KANSL3: variants seen among roughly 807,000 people sequenced by gnomAD.
KANSL3 encodes NSL complex protein NSL3.
KANSL3 carries 16 observed loss-of-function variants against 89.2 expected under a neutral mutation model. That is an observed-to-expected ratio of 0.18 (90% CI 0.12 to 0.27). The LOEUF (loss-of-function observed/expected upper bound fraction) is 0.27, where lower values mean the gene tolerates loss of function less well. Ranked by LOEUF, KANSL3 falls within the 10% of genes least tolerant of loss-of-function variation. The pLI, the probability that KANSL3 is intolerant of heterozygous loss-of-function variation, is 1.00. For missense variants in KANSL3, 879 were observed against 1,110.6 expected, an observed-to-expected ratio of 0.79 and a Z score of 2.96; for synonymous variants, 385 against 419.7, an observed-to-expected ratio of 0.92 and a Z score of 1.01.
At chr2:96,621,639 CA>C (rs2071300304) in intron 3 of KANSL3, among the ~76,000 whole-genome samples, 1 of 150,518 alleles carries the variant, frequency 6.6e-6, no homozygotes, top group African/African-American at 2.4e-5. Context: ...ACATGTCTCT[CA>C]AAAAATAAAA....
At chr2:96,583,453 A>C in the KANSL3 span, among the ~76,000 whole-genome samples, 1 of 152,298 alleles carries the variant, frequency 6.6e-6, no homozygotes, top group East Asian at 1.9e-4. Flanking sequence ...CTCAATCATG[A>C]TCTGACTTCT....
chr2:96,625,513 A>G (rs1231228845), intron 3 of KANSL3, among the ~76,000 whole-genome samples: 1 of 152,238 alleles, frequency 6.6e-6, no homozygotes, highest in Non-Finnish European at 1.5e-5. Flanking sequence ...TTTTTATTAC[A>G]TAATGATGCT....
chr2:96,588,169 GA>G (rs915858648), downstream of KANSL3, among the ~76,000 whole-genome samples: 116 of 137,592 alleles, frequency 8.4e-4, no homozygotes, highest in Non-Finnish European at 1.4e-3. Context: ...ATCCTAAACA[GA>G]AAAAAAAAAC....
intron 5 of KANSL3, among the ~76,000 whole-genome samples, chr2:96,616,671 A>G (rs990081548): frequency 6.6e-6 from 1 of 152,252 alleles, no homozygotes; most frequent in Non-Finnish European, 1.5e-5. Context: ...CCGATGGCAG[A>G]GGAACCACTG....
downstream of KANSL3, among the ~76,000 whole-genome samples, chr2:96,588,596 T>C (rs997729374): frequency 6.6e-6 from 1 of 151,946 alleles, no homozygotes; most frequent in African/African-American, 2.4e-5. Context: ...CCTTTTCTTT[T>C]CTTTTTTTTT....
intron 3 of KANSL3, among the ~76,000 whole-genome samples, chr2:96,622,948 T>C (rs1349013497): frequency 6.6e-6 from 1 of 152,232 alleles, no homozygotes; most frequent in Non-Finnish European, 1.5e-5. Context: ...TATTTAACAC[T>C]GTAACCCTCC....
At chr2:96,612,378 G>C (rs1296594160) in intron 8 of KANSL3, 25 bp from the exon 9 acceptor site, 1 of 1,609,750 alleles carries the variant, frequency 6.2e-7, no homozygotes, top group African/African-American at 1.3e-5. Context: ...AAAGAAGACA[G>C]TAAGACAGGA....
At chr2:96,584,527 G>T in the KANSL3 span, among the ~76,000 whole-genome samples, 1 of 152,078 alleles carries the variant, frequency 6.6e-6, no homozygotes, top group Admixed American at 6.5e-5. Flanking sequence ...ATTATAGTCA[G>T]CCTATAGTGT....
chr2:96,636,109 A>G (rs777717853), intron 2 of KANSL3, among the ~76,000 whole-genome samples: 7 of 152,244 alleles, frequency 4.6e-5, no homozygotes, highest in Non-Finnish European at 1.0e-4. Context: ...CTAACCCCCA[A>G]CAAAATTAAA....
intron 3 of KANSL3, among the ~76,000 whole-genome samples, chr2:96,625,818 A>T (rs1366794670): frequency 6.6e-6 from 1 of 152,198 alleles, no homozygotes; most frequent in Non-Finnish European, 1.5e-5. Flanking sequence ...GCAGAAAAAA[A>T]ATGATCTAAA....
chr2:96,635,180 A>G lies in KANSL3; in HGVS notation c.215+1741T>C, dbSNP rs141994317. 2.3e-3 allele frequency among the ~76,000 whole-genome samples: 346 copies of G among 152,322 alleles called. 2 individuals carry two copies. The highest frequency in any genetic ancestry group is 8.1e-3 in the African/African-American group (337 of 41,578). Reference sequence around the variant, plus strand: ...ACAAAAAATCCAAAATGATCTTTTTAAAGTATAAATTGAATCTCTAGTTTA... The same window carrying G: ...ACAAAAAATCCAAAATGATCTTTTTGAAGTATAAATTGAATCTCTAGTTTA... On this transcript the variant is annotated intron_variant, in intron 2 of 20. Coordinates refer to ENST00000431828, the MANE Select transcript of KANSL3 (RefSeq NM_001115016.3).
chr2:96,604,904 T>G lies in KANSL3; in HGVS notation c.1934-41A>C, dbSNP rs1445332226. On this transcript the variant is annotated intron_variant, in intron 15 of 20. Coordinates refer to ENST00000431828, the MANE Select transcript of KANSL3 (RefSeq NM_001115016.3). ...CCCCAAGGCCCCTGGTCAGTCCTAT[T>G]TGGCCTCTATGTTTCCAGGTTCCAC... 3 of 1,512,636 alleles carry G rather than the reference T, an allele frequency of 2.0e-6. No homozygotes were observed. In the South Asian group the frequency reaches 3.7e-5, roughly 18 times the overall value. The allele number at this position is 1,512,636 out of a possible 1,614,324, so 93.7% of individuals were successfully genotyped here. A position where few individuals can be genotyped will look rare whatever the true frequency, so the allele number is the denominator to read the frequency against.
intron 20 of KANSL3, among the ~76,000 whole-genome samples, chr2:96,597,004 G>C (rs2066602732): frequency 6.6e-6 from 1 of 152,220 alleles, no homozygotes. Context: ...GAAACACATA[G>C]TAAACACCAA....
Position 96,612,930 on chromosome 2 carries a change from T to C in KANSL3, c.800A>G (p.Lys267Arg). Reference protein sequence around the residue: ...VGVLSHNKPSKLPGSPLILIA... With the variant: ...VGVLSHNKPSRLPGSPLILIA... ...GAGAATCAGCGGAGAGCCAGGGAGT[T>C]TGCTCTAAAGAGGAAGAATCCCACC... Residue 267 changes from lysine (K) to arginine (R), a missense_variant, in exon 7 of 21, where the codon AAA becomes AGA. Around this residue, in one of 6 missense-constraint regions of KANSL3, gnomAD observed 198 missense variants for 260.3 expected, o/e 0.76. Coordinates refer to ENST00000431828, the MANE Select transcript of KANSL3 (RefSeq NM_001115016.3). The C allele has an allele frequency of 6.4e-7, 1 of 1,556,568 alleles. No individual in the cohort carries two copies. Among genetic ancestry groups the C allele is most frequent in the Non-Finnish European group, 8.7e-7 (1 of 1,149,602 alleles).
intron 20 of KANSL3, among the ~76,000 whole-genome samples, chr2:96,596,777 G>A (rs185039038): frequency 1.3e-4 from 20 of 152,364 alleles, no homozygotes; most frequent in Middle Eastern, 3.4e-3. Context: ...GCTACAGTGA[G>A]GCCCACTGCC....
rs2069157444 is a variant in KANSL3 at position 96,612,357 on chromosome 2, C to T, written c.1015-4G>A. 1 of 1,613,440 alleles carries T rather than the reference C, an allele frequency of 6.2e-7. No individual in the cohort carries two copies. Among genetic ancestry groups the T allele is most frequent in the Non-Finnish European group, 8.5e-7 (1 of 1,179,444 alleles). ...TGTGTGGGAAATGGCTGTGAATCTT[C>T]ATGGGAAGAGAAAGAAGACAGTAAG... On this transcript the variant is annotated splice_polypyrimidine_tract_variant and splice_region_variant and intron_variant, in intron 8 of 20. Coordinates refer to ENST00000431828, the MANE Select transcript of KANSL3 (RefSeq NM_001115016.3).
At chr2:96,581,948 T>C in the KANSL3 span, among the ~76,000 whole-genome samples, 1 of 152,248 alleles carries the variant, frequency 6.6e-6, no homozygotes, top group Non-Finnish European at 1.5e-5. Context: ...ATTATTCATT[T>C]AAATATTTTC....
At chr2:96,580,594 A>C in the KANSL3 span, among the ~76,000 whole-genome samples, 1 of 152,178 alleles carries the variant, frequency 6.6e-6, no homozygotes, top group Non-Finnish European at 1.5e-5. Context: ...ATAGTGTGGT[A>C]ATGTTCTATT....
At chr2:96,607,112 A>C in intron 14 of KANSL3, 1 of 1,064,080 alleles carries the variant, frequency 9.4e-7, no homozygotes, top group South Asian at 1.3e-5. Context: ...AAGAGAGGGA[A>C]TAAGAAAAAA....
Sources: allele counts gnomAD v4.1 joint callset (sites outside exome capture counted in the v4.1 genomes callset), GRCh38; gene constraint gnomAD v4.1.1; regional missense constraint gnomAD v4.1.1; transcripts MANE v1.5; gene names NCBI Gene and HGNC (gene_info 2026-07-23, HGNC 2026-07-21).